RBFOX1: variants seen among roughly 807,000 people sequenced by gnomAD.
RBFOX1 encodes RNA binding fox-1 homolog 1.
In RBFOX1, 8 loss-of-function variants were observed where a neutral mutation model predicts 57.7. That is an observed-to-expected ratio of 0.14 (90% CI 0.08 to 0.25). RBFOX1 has a LOEUF of 0.25. RBFOX1 is among the 10% of genes least tolerant of loss of function. The probability of loss-of-function intolerance (pLI) is 1.00; values close to 1 mark genes in which losing one functional copy is unlikely to be tolerated. For missense variants in RBFOX1, 611 were observed against 548.5 expected (o/e 1.11, Z -1.14); for synonymous variants, 326 against 222.4 (o/e 1.47, Z -4.15).
chr16:6,820,464 AT>A (rs1354113515), intron 3 of RBFOX1, among the ~76,000 whole-genome samples: 1 of 152,102 alleles, frequency 6.6e-6, no homozygotes, highest in South Asian at 2.1e-4. Flanking sequence ...CGACACCAGC[AT>A]GGGAAAGATA....
intron 2 of RBFOX1, among the ~76,000 whole-genome samples, chr16:5,592,033 A>T (rs2047025785): frequency 6.6e-6 from 1 of 152,238 alleles, no homozygotes; most frequent in Admixed American, 6.5e-5. Flanking sequence ...TCCGTAAAAA[A>T]TAATATATTG....
At chr16:5,479,516 T>A (rs76198035) in intron 2 of RBFOX1, among the ~76,000 whole-genome samples, 24,855 of 152,070 alleles carry the variant, frequency 0.16, 2,564 homozygotes, top group Middle Eastern at 0.29. Context: ...CCCAGCACTT[T>A]GGGAGGCTGA....
chr16:7,002,268 C>T (rs1018691806), intron 3 of RBFOX1, among the ~76,000 whole-genome samples: 1 of 152,182 alleles, frequency 6.6e-6, no homozygotes, highest in Non-Finnish European at 1.5e-5. Context: ...AATCTATCTA[C>T]TTTGGAACTT....
intron 15 of RBFOX1, chr16:7,709,398 A>T: frequency 7.9e-7 from 1 of 1,270,770 alleles, no homozygotes; most frequent in East Asian, 2.7e-5. Flanking sequence ...ATAATTAGTC[A>T]TTTTGATAAT....
intron 3 of RBFOX1, among the ~76,000 whole-genome samples, chr16:5,787,740 A>G (rs1004339490): frequency 3.3e-5 from 5 of 152,224 alleles, no homozygotes; most frequent in African/African-American, 1.2e-4. Flanking sequence ...CAAGGGGGTC[A>G]AGAAGTAATG....
chr16:6,547,937 C>A (rs1024107053), intron 2 of RBFOX1, among the ~76,000 whole-genome samples: 2 of 152,276 alleles, frequency 1.3e-5, no homozygotes, highest in African/African-American at 2.4e-5. Flanking sequence ...CTGTGAAAGA[C>A]CCTTAGCTGG....
At chr16:7,421,114 C>A (rs539669215) in intron 4 of RBFOX1, among the ~76,000 whole-genome samples, 1 of 152,066 alleles carries the variant, frequency 6.6e-6, no homozygotes, top group South Asian at 2.1e-4. Flanking sequence ...TTTCTTGCTA[C>A]AGGTTGGGCC....
At chr16:6,934,130 CAG>C (rs2076996927) in intron 3 of RBFOX1, among the ~76,000 whole-genome samples, 1 of 152,106 alleles carries the variant, frequency 6.6e-6, no homozygotes, top group African/African-American at 2.4e-5. Context: ...CATAGTGAGA[CAG>C]GGAACTTCCT....
chr16:6,994,253 T>G (rs1459386645), intron 3 of RBFOX1, among the ~76,000 whole-genome samples: 1 of 152,120 alleles, frequency 6.6e-6, no homozygotes, highest in East Asian at 1.9e-4. Flanking sequence ...GAGAGCACAG[T>G]TTTATCTAAT....
rs546514584 is a variant in RBFOX1 at position 6,757,588 on chromosome 16, C to G, written c.-16+102938C>G. 8.8e-4 allele frequency among the ~76,000 whole-genome samples: 133 copies of G among 151,988 alleles called. 2 individuals are homozygous for G. Among genetic ancestry groups the G allele is most frequent in the African/African-American group, 3.1e-3 (128 of 41,466 alleles). ...ACATGTTCTCATTCATATGTGGGAG[C>G]TAAAAAAGTTGATCTCTGGAGGATA... is the stretch of plus-strand genomic sequence containing the variant. On this transcript the variant is annotated intron_variant, in intron 3 of 15. Coordinates refer to ENST00000550418, the MANE Select transcript of RBFOX1 (RefSeq NM_018723.4).
chr16:7,292,896 A>T (rs1300574429), intron 4 of RBFOX1, among the ~76,000 whole-genome samples: 1 of 152,162 alleles, frequency 6.6e-6, no homozygotes, highest in Non-Finnish European at 1.5e-5. Context: ...CCCCTCAAAG[A>T]CACAGAAACA....
chr16:7,155,600 A>G (rs535602526), intron 4 of RBFOX1, among the ~76,000 whole-genome samples: 1 of 150,210 alleles, frequency 6.7e-6, no homozygotes, highest in South Asian at 2.1e-4. Context: ...TGTCTGAAAA[A>G]AAAAAAAGAG....
At chr16:5,308,753 A>T (rs17787234) in intron 1 of RBFOX1, among the ~76,000 whole-genome samples, 10 of 30,922 alleles carry the variant, frequency 3.2e-4, no homozygotes, top group East Asian at 2.9e-3. Context: ...TATGTGTTAC[A>T]TTTTTTTTCA....
intron 1 of RBFOX1, among the ~76,000 whole-genome samples, chr16:6,239,285 T>C (rs898944314): frequency 6.6e-6 from 1 of 152,122 alleles, no homozygotes; most frequent in East Asian, 1.9e-4. Flanking sequence ...CTTGAGATAC[T>C]TCTTACAGTC....
chr16:7,060,097 C>T (rs2053782029), intron 4 of RBFOX1, among the ~76,000 whole-genome samples: 1 of 152,030 alleles, frequency 6.6e-6, no homozygotes, highest in South Asian at 2.1e-4. Flanking sequence ...GAATTGATAC[C>T]ATAGAGTTAA....
At chr16:6,450,207 T>C (rs2094561657) in intron 2 of RBFOX1, among the ~76,000 whole-genome samples, 1 of 152,126 alleles carries the variant, frequency 6.6e-6, no homozygotes, top group African/African-American at 2.4e-5. Flanking sequence ...TTTACCTAAG[T>C]ATTTTTTGAC....
intron 4 of RBFOX1, among the ~76,000 whole-genome samples, chr16:7,387,884 T>C (rs2097911360): frequency 6.6e-6 from 1 of 152,222 alleles, no homozygotes; most frequent in Non-Finnish European, 1.5e-5. Flanking sequence ...TTGAGCTTTG[T>C]TTTTGTGCTG....
chr16:6,024,950 A>C (rs1055396680), intron 1 of RBFOX1, among the ~76,000 whole-genome samples: 2 of 152,222 alleles, frequency 1.3e-5, no homozygotes, highest in Admixed American at 1.3e-4. Flanking sequence ...CGTTTCAGAG[A>C]AGGGGACCAA....
At chr16:7,051,457 C>A (rs1030012457) in intron 3 of RBFOX1, among the ~76,000 whole-genome samples, 1 of 152,218 alleles carries the variant, frequency 6.6e-6, no homozygotes, top group Non-Finnish European at 1.5e-5. Context: ...TACCCACTTT[C>A]CTATCTGATG....
Sources: allele counts gnomAD v4.1 joint callset (sites outside exome capture counted in the v4.1 genomes callset), GRCh38; gene constraint gnomAD v4.1.1; transcripts MANE v1.5; gene names NCBI Gene and HGNC (gene_info 2026-07-23, HGNC 2026-07-21).